Variants in SLC24A4 observed in about 807,000 individuals in gnomAD.
SLC24A4 encodes sodium/potassium/calcium exchanger 4.
Under a neutral mutation model 79.0 loss-of-function variants are expected in SLC24A4, and 53 were observed. The observed-to-expected ratio is 0.67, with a 90% CI of 0.54 to 0.84. The LOEUF (loss-of-function observed/expected upper bound fraction) is 0.84. Ranked by LOEUF, SLC24A4 falls within the 40% of genes least tolerant of loss-of-function variation. SLC24A4 has a pLI of 0.00. For missense variants in SLC24A4, 731 were observed against 822.0 expected (o/e 0.89, Z 1.35); for synonymous variants, 323 against 323.8 (o/e 1.00, Z 0.03).
intron 2 of SLC24A4, among the ~76,000 whole-genome samples, chr14:92,403,942 G>A (rs1890245610): frequency 6.6e-6 from 1 of 151,754 alleles, no homozygotes; most frequent in Non-Finnish European, 1.5e-5. Context: ...AGGTAAAGCG[G>A]ATGGGGCTAG....
chr14:92,446,628 G>A (rs1454125776), intron 8 of SLC24A4, among the ~76,000 whole-genome samples: 1 of 152,188 alleles, frequency 6.6e-6, no homozygotes, highest in Non-Finnish European at 1.5e-5. Context: ...GGGTTGAGAT[G>A]GCAGTGGTTC....
chr14:92,371,693 T>C (rs1416747192), intron 2 of SLC24A4, among the ~76,000 whole-genome samples: 2 of 152,212 alleles, frequency 1.3e-5, no homozygotes, highest in African/African-American at 2.4e-5. Flanking sequence ...TACTCTAACC[T>C]CACCCGTTGT....
chr14:92,355,962 T>A (rs1478070645), intron 2 of SLC24A4, among the ~76,000 whole-genome samples: 1 of 152,190 alleles, frequency 6.6e-6, no homozygotes, highest in Admixed American at 6.5e-5. Context: ...CTTACAATGG[T>A]TTGACTTAGG....
chr14:92,370,186 T>C (rs1888073835), intron 2 of SLC24A4, among the ~76,000 whole-genome samples: 2 of 152,110 alleles, frequency 1.3e-5, no homozygotes, highest in South Asian at 4.1e-4. Flanking sequence ...GCCCATAGAA[T>C]TTAAACACAG....
intron 2 of SLC24A4, among the ~76,000 whole-genome samples, chr14:92,350,563 G>A (rs772057345): frequency 6.6e-6 from 1 of 152,186 alleles, no homozygotes; most frequent in Non-Finnish European, 1.5e-5. Flanking sequence ...ATCTGAGGGT[G>A]GGGATGATCT....
chr14:92,329,248 C>T (rs1323191004), intron 2 of SLC24A4, among the ~76,000 whole-genome samples: 1 of 152,240 alleles, frequency 6.6e-6, no homozygotes, highest in Non-Finnish European at 1.5e-5. Context: ...GTCCCACAAA[C>T]GTGAGCCCAC....
intron 4 of SLC24A4, 39 bp from the exon 5 acceptor site, chr14:92,442,050 A>G (rs1306544375): frequency 1.9e-6 from 3 of 1,548,808 alleles, no homozygotes; most frequent in East Asian, 4.5e-5. Flanking sequence ...CAGTACCCCC[A>G]CGTCACACCC....
intron 2 of SLC24A4, among the ~76,000 whole-genome samples, chr14:92,413,064 C>T (rs767095227): frequency 6.6e-5 from 10 of 152,184 alleles, no homozygotes; most frequent in Non-Finnish European, 1.3e-4. Context: ...TGAATAGTTG[C>T]GGCAGAGACC....
chr14:92,438,096 C>T (rs1012525941), intron 3 of SLC24A4, among the ~76,000 whole-genome samples: 4 of 152,140 alleles, frequency 2.6e-5, no homozygotes, highest in African/African-American at 9.7e-5. Context: ...GAGACAGCGG[C>T]AGCTCCCACC....
intron 12 of SLC24A4, 101 bp from the exon 13 acceptor site, chr14:92,482,579 C>T: frequency 8.4e-7 from 1 of 1,189,024 alleles, no homozygotes; most frequent in South Asian, 1.6e-5. Flanking sequence ...GTGGCATTCT[C>T]TTATTTAGCT....
intron 2 of SLC24A4, among the ~76,000 whole-genome samples, chr14:92,385,491 G>A (rs978857310): frequency 1.2e-4 from 16 of 128,408 alleles, no homozygotes; most frequent in Non-Finnish European, 2.2e-4. Context: ...GCGAGACTCC[G>A]TCTTTAAAAA....
At chr14:92,346,243 G>A (rs1886520662) in intron 2 of SLC24A4, among the ~76,000 whole-genome samples, 2 of 152,186 alleles carry the variant, frequency 1.3e-5, no homozygotes, top group Admixed American at 6.5e-5. Flanking sequence ...AGATTTGATA[G>A]CAGATGCAGT....
At chr14:92,432,663 G>A (rs1030062093) in intron 2 of SLC24A4, among the ~76,000 whole-genome samples, 3 of 152,206 alleles carry the variant, frequency 2.0e-5, no homozygotes, top group Admixed American at 1.3e-4. Flanking sequence ...AGAGATGTGA[G>A]GGAAGCGAAA....
At chr14:92,408,643 T>C (rs943458929) in intron 2 of SLC24A4, among the ~76,000 whole-genome samples, 2 of 149,824 alleles carry the variant, frequency 1.3e-5, no homozygotes, top group African/African-American at 5.0e-5. Flanking sequence ...ATTTGCAAAA[T>C]AGACATAATG....
chr14:92,476,574 G>A (rs1453308618), intron 12 of SLC24A4, among the ~76,000 whole-genome samples: 2 of 151,992 alleles, frequency 1.3e-5, no homozygotes, highest in African/African-American at 4.8e-5. Flanking sequence ...TAATTTATAT[G>A]CCATAAAATT....
At chr14:92,381,199 A>G (rs1158610472) in intron 2 of SLC24A4, among the ~76,000 whole-genome samples, 1 of 152,244 alleles carries the variant, frequency 6.6e-6, no homozygotes, top group Non-Finnish European at 1.5e-5. Flanking sequence ...CATCAATGAT[A>G]GGCTGGATAA....
intron 2 of SLC24A4, among the ~76,000 whole-genome samples, chr14:92,392,145 A>G (rs971073445): frequency 3.3e-5 from 5 of 151,278 alleles, no homozygotes; most frequent in African/African-American, 7.3e-5. Flanking sequence ...GTCTTTCCAC[A>G]TTATCGGAAA....
intron 2 of SLC24A4, among the ~76,000 whole-genome samples, chr14:92,330,138 G>A (rs189000881): frequency 4.8e-4 from 38 of 79,102 alleles, no homozygotes; most frequent in East Asian, 2.3e-3. Flanking sequence ...GAGCATGTCA[G>A]GAATGCAGAG....
At chr14:92,468,888 GTATC>G (rs1169605652) in intron 12 of SLC24A4, among the ~76,000 whole-genome samples, 1 of 120,424 alleles carries the variant, frequency 8.3e-6, no homozygotes, top group African/African-American at 3.2e-5. Context: ...TGCAAATCAT[GTATC>G]TGTGTGTGTG....
Sources: allele counts gnomAD v4.1 joint callset (sites outside exome capture counted in the v4.1 genomes callset), GRCh38; gene constraint gnomAD v4.1.1; transcripts MANE v1.5; gene names NCBI Gene and HGNC (gene_info 2026-07-23, HGNC 2026-07-21).